PPP2R5C: variants seen among roughly 807,000 people sequenced by gnomAD.
PPP2R5C encodes protein phosphatase 2 regulatory subunit B'gamma.
PPP2R5C carries 7 observed loss-of-function variants against 68.9 expected under a neutral mutation model. The ratio of observed to expected loss-of-function variants is 0.10; its 90% confidence interval spans 0.06 to 0.19. PPP2R5C has a LOEUF of 0.19. PPP2R5C is among the 10% of genes least tolerant of loss of function. The pLI is 1.00. For missense variants in PPP2R5C, 348 were observed against 641.3 expected, an observed-to-expected ratio of 0.54 and a Z score of 4.94; for synonymous variants, 210 against 222.2, an observed-to-expected ratio of 0.95 and a Z score of 0.49.
chr14:101,763,661 C>G (rs1051472405), intron 2 of PPP2R5C, among the ~76,000 whole-genome samples: 1 of 152,114 alleles, frequency 6.6e-6, no homozygotes, highest in Non-Finnish European at 1.5e-5. Flanking sequence ...GATTACAGGC[C>G]TGAGCCACCG....
rs773539413 is a variant in PPP2R5C at position 101,917,840 on chromosome 14, T to C, written c.1336T>C (p.Tyr446His). ...ACGCTTTGCATTGCAGTACACAGTGTATAGTCAAGCCAGCACCATGAGCAT... is the reference window on the plus strand; with the variant it reads ...ACGCTTTGCATTGCAGTACACAGTGCATAGTCAAGCCAGCACCATGAGCAT... The change falls in exon 13 of 14, where the codon TAT becomes CAT. Residue 446 changes from tyrosine to histidine, a missense_variant. By Grantham distance (83) the Tyr-to-His change is moderately conservative (BLOSUM62 2). Around this residue, in one of 4 missense-constraint regions of PPP2R5C, gnomAD observed 118 missense variants for 108.9 expected, o/e 1.08. Transcript: ENST00000334743. This position sits in a 1 kb window ranked among gnomAD's most constrained non-coding sequence, Gnocchi z 4.4. 1 of 1,613,590 alleles carries C rather than the reference T, an allele frequency of 6.2e-7. No homozygotes were observed. The highest frequency in any genetic ancestry group is 1.3e-5 in the African/African-American group (1 of 74,974).
At chr14:101,890,323 G>A (rs778181625) in intron 6 of PPP2R5C, 27 bp downstream of exon 8, 32 of 1,596,272 alleles carry the variant, frequency 2.0e-5, no homozygotes, top group African/African-American at 1.1e-4. Context: ...GGTAGCAAAC[G>A]GCTGTAGATG....
chr14:101,922,831 A>T (rs776675409), intron 13 of PPP2R5C, among the ~76,000 whole-genome samples: 16 of 152,160 alleles, frequency 1.1e-4, no homozygotes, highest in Non-Finnish European at 1.8e-4. Flanking sequence ...AATAAAAAAA[A>T]AATTTTAAAG....
intron 1 of PPP2R5C, chr14:101,818,873 A>C: frequency 1.3e-6 from 1 of 755,168 alleles, no homozygotes; most frequent in Non-Finnish European, 2.2e-6. Flanking sequence ...TCATCGATGT[A>C]TGTGACCTCG....
chr14:101,863,839 A>G (rs1043075059), intron 2 of PPP2R5C, among the ~76,000 whole-genome samples: 4 of 152,184 alleles, frequency 2.6e-5, no homozygotes, highest in African/African-American at 9.7e-5. Flanking sequence ...GGGAGGTTGC[A>G]GTGAGCCAAG....
intron 2 of PPP2R5C, among the ~76,000 whole-genome samples, chr14:101,876,729 TG>T (rs1376707487): frequency 1.3e-5 from 2 of 152,204 alleles, no homozygotes; most frequent in African/African-American, 2.4e-5. Context: ...CTGGCACAGA[TG>T]GGGCCGTGTG....
intron 3 of PPP2R5C, among the ~76,000 whole-genome samples, chr14:101,790,847 G>A (rs1338972613): frequency 2.0e-5 from 3 of 152,242 alleles, no homozygotes; most frequent in South Asian, 2.1e-4. Context: ...TCGGGAGGCC[G>A]AGGCGGGCGG....
chr14:101,777,029 C>T (rs1024474799), intron 2 of PPP2R5C, among the ~76,000 whole-genome samples: 1 of 151,394 alleles, frequency 6.6e-6, no homozygotes, highest in Non-Finnish European at 1.5e-5. Flanking sequence ...TACAGGTGCA[C>T]ACCACCATGC....
Position 101,780,651 on chromosome 14 carries a change from CTT to C in PPP2R5C, c.94-5366_94-5365del, listed in dbSNP as rs368136418. On this transcript the variant is annotated intron_variant, in intron 2 of 14. Transcript: ENST00000328724. ...TTTTGGTTAACACACTCCTCTCTCT[CTT>C]GTATTTTCCTAAGAACTGGTGGTTA... Among the ~76,000 whole-genome samples, 37 of 152,300 alleles carry C rather than the reference CTT, an allele frequency of 2.4e-4. No individual in the cohort carries two copies. In the South Asian group the frequency reaches 6.6e-3, roughly 27 times the overall value.
At chr14:101,846,270 G>A (rs1402277804) in intron 1 of PPP2R5C, among the ~76,000 whole-genome samples, 2 of 152,206 alleles carry the variant, frequency 1.3e-5, no homozygotes, top group African/African-American at 4.8e-5. Context: ...AGGCACATGT[G>A]TGCAGGGAAG....
At chr14:101,912,354 T>C (rs2046444093) in intron 11 of PPP2R5C, 47 bp from the exon 14 acceptor site, 1 of 1,505,182 alleles carries the variant, frequency 6.6e-7, no homozygotes, top group African/African-American at 1.4e-5. Flanking sequence ...AGTGTGTTCT[T>C]GTGTCTGATG....
At chr14:101,772,961 G>C (rs906566802) in intron 2 of PPP2R5C, among the ~76,000 whole-genome samples, 3 of 152,166 alleles carry the variant, frequency 2.0e-5, no homozygotes, top group African/African-American at 7.2e-5. Flanking sequence ...CAGAGGCTGG[G>C]CTCTGGAGTC....
chr14:101,761,927 C>A lies in PPP2R5C; in HGVS notation c.27+7C>A. The A allele has an allele frequency of 8.4e-7, 1 of 1,187,530 alleles. No individual in the cohort carries two copies. The highest frequency in any genetic ancestry group is 4.1e-5 in the South Asian group (1 of 24,210). 73.6% of individuals were successfully genotyped at this position (1,187,530 alleles called of 1,614,324 possible). ...TAAAAACAAGAAGGAGAAAGTGAGT[C>A]CGGGCCCGGCCGCGGGACGGAGGGA... On this transcript the variant is annotated splice_region_variant and intron_variant, in intron 1 of 14. Coordinates refer to the PPP2R5C transcript ENST00000328724.
At chr14:101,793,922 A>G (rs1484358852) in intron 3 of PPP2R5C, among the ~76,000 whole-genome samples, 1 of 152,166 alleles carries the variant, frequency 6.6e-6, no homozygotes, top group Non-Finnish European at 1.5e-5. Flanking sequence ...TACGCCATCA[A>G]GTTGTCCCTC....
intron 1 of PPP2R5C, among the ~76,000 whole-genome samples, 162 bp downstream of exon 1, chr14:101,762,082 C>T (rs1231041634): frequency 1.3e-5 from 2 of 151,472 alleles, no homozygotes; most frequent in Non-Finnish European, 3.0e-5. Flanking sequence ...CCCCGGGCTT[C>T]TCTCGGCCTC....
intron 1 of PPP2R5C, among the ~76,000 whole-genome samples, chr14:101,814,912 A>G (rs1319716377): frequency 6.6e-6 from 1 of 152,158 alleles, no homozygotes; most frequent in Non-Finnish European, 1.5e-5. Context: ...TGAGCAGGAC[A>G]ATCCTAGTAT....
Position 101,912,336 on chromosome 14 carries a change from T to A in PPP2R5C, c.1254-65T>A, listed in dbSNP as rs75982112. On this transcript the variant is annotated intron_variant, in intron 11 of 13. Coordinates refer to ENST00000334743, the Ensembl canonical transcript of PPP2R5C. ...CTGGGCTCAACATGCCTGTGCCTTT[T>A]CCCCTTCAGTGTGTTCTTGTGTCTG... is the stretch of plus-strand genomic sequence containing the variant. 1,605 of 1,397,046 alleles carry A rather than the reference T, an allele frequency of 1.1e-3. 17 individuals carry two copies. In the African/African-American group the frequency reaches 0.021, roughly 18 times the overall value. The allele number at this position is 1,397,046 out of a possible 1,614,324, so 86.5% of individuals were successfully genotyped here. A position where few individuals can be genotyped will look rare whatever the true frequency, so the allele number is the denominator to read the frequency against.
chr14:101,796,155 T>A (rs1175269241), intron 3 of PPP2R5C, among the ~76,000 whole-genome samples: 1 of 152,146 alleles, frequency 6.6e-6, no homozygotes, highest in East Asian at 1.9e-4. Flanking sequence ...AGCTTTACCA[T>A]AAAAGTAGAG....
At chr14:101,788,135 T>G (rs2038204367) in intron 3 of PPP2R5C, among the ~76,000 whole-genome samples, 1 of 152,178 alleles carries the variant, frequency 6.6e-6, no homozygotes, top group South Asian at 2.1e-4. Flanking sequence ...GTATAACCAC[T>G]GTTGGGCCTT....
Sources: allele counts gnomAD v4.1 joint callset (sites outside exome capture counted in the v4.1 genomes callset), GRCh38; gene constraint gnomAD v4.1.1; regional missense constraint gnomAD v4.1.1; non-coding constraint Gnocchi (gnomAD v3.1); transcripts MANE v1.5; gene names NCBI Gene and HGNC (gene_info 2026-07-23, HGNC 2026-07-21).